The following PACRG variants were observed in gnomAD, a reference collection of about 807,000 sequenced individuals.
PACRG encodes parkin coregulated gene protein.
PACRG carries 29 observed loss-of-function variants against 29.7 expected under a neutral mutation model. That is an observed-to-expected ratio of 0.98 (90% CI 0.73 to 1.33). PACRG has a LOEUF of 1.33. PACRG is among the 40% of genes most tolerant of loss of function. The pLI, the probability that PACRG is intolerant of heterozygous loss-of-function variation, is 0.00. For synonymous variants in PACRG, 116 were observed against 118.7 expected (o/e 0.98, Z 0.15); for missense variants, 279 against 316.2 (o/e 0.88, Z 0.89).
intron 2 of PACRG, among the ~76,000 whole-genome samples, chr6:162,870,696 T>C (rs978699394): frequency 6.6e-6 from 1 of 152,208 alleles, no homozygotes; most frequent in Non-Finnish European, 1.5e-5. Flanking sequence ...TGTGCTCTGG[T>C]TTATCCATAT....
At chr6:162,955,461 G>A (rs922849576) in intron 2 of PACRG, among the ~76,000 whole-genome samples, 26 of 151,830 alleles carry the variant, frequency 1.7e-4, no homozygotes, top group East Asian at 7.8e-4. Context: ...CACCACACCC[G>A]GCTAATTTTT....
At chr6:162,793,473 A>T (rs1785120526) in intron 1 of PACRG, among the ~76,000 whole-genome samples, 1 of 152,176 alleles carries the variant, frequency 6.6e-6, no homozygotes, top group African/African-American at 2.4e-5. Context: ...TATCTTTTGC[A>T]TCTTTCTGCT....
chr6:162,907,313 A>G (rs905257766), intron 2 of PACRG, among the ~76,000 whole-genome samples: 3 of 152,162 alleles, frequency 2.0e-5, no homozygotes, highest in Non-Finnish European at 2.9e-5. Flanking sequence ...TTATCAATAC[A>G]TGCCTATTTT....
chr6:162,933,962 G>A (rs1316758674), intron 2 of PACRG, among the ~76,000 whole-genome samples: 1 of 152,024 alleles, frequency 6.6e-6, no homozygotes, highest in Non-Finnish European at 1.5e-5. Flanking sequence ...TCACATAAAC[G>A]AATAAGAATG....
chr6:163,110,725 C>T lies in PACRG; in HGVS notation c.613+21317C>T, dbSNP rs16894500. ...CCCCTGGGCTGTCACCGTGGCAGCA[C>T]TTTGATGCTCAGCCCCTCAGACCTG... On this transcript the variant is annotated intron_variant, in intron 4 of 4. Coordinates refer to ENST00000366888, the MANE Select transcript of PACRG (RefSeq NM_001080379.2). 9.2e-3 allele frequency among the ~76,000 whole-genome samples: 1,397 copies of T among 152,350 alleles called. 14 individuals are homozygous for T. The highest frequency in any genetic ancestry group is 0.032 in the African/African-American group (1,331 of 41,564).
At chr6:163,102,003 A>G (rs1258236312) in intron 4 of PACRG, among the ~76,000 whole-genome samples, 1 of 152,204 alleles carries the variant, frequency 6.6e-6, no homozygotes, top group East Asian at 1.9e-4. Context: ...AACAGACACT[A>G]TGCGGCCACA....
chr6:163,117,362 G>T (rs1234265531), intron 4 of PACRG, among the ~76,000 whole-genome samples: 1 of 152,220 alleles, frequency 6.6e-6, no homozygotes, highest in African/African-American at 2.4e-5. Context: ...TCCAGCCACT[G>T]GGGAGGTTTC....
chr6:163,195,922 C>G (rs1721297009), intron 4 of PACRG, among the ~76,000 whole-genome samples: 2 of 152,312 alleles, frequency 1.3e-5, no homozygotes, highest in African/African-American at 4.8e-5. Context: ...TCCTCCCTCC[C>G]TGATTCTCGC....
intron 4 of PACRG, among the ~76,000 whole-genome samples, chr6:163,260,624 TG>T: frequency 6.6e-6 from 1 of 152,330 alleles, no homozygotes; most frequent in South Asian, 2.1e-4. Flanking sequence ...TGGGATCCTG[TG>T]GTCTTCCCTG....
At chr6:162,785,832 G>A (rs888403124) in intron 1 of PACRG, among the ~76,000 whole-genome samples, 1 of 152,128 alleles carries the variant, frequency 6.6e-6, no homozygotes, top group African/African-American at 2.4e-5. Context: ...GACCACTAGC[G>A]GTGAGCAGCC....
chr6:162,881,872 G>A (rs1402391903), intron 2 of PACRG, among the ~76,000 whole-genome samples: 2 of 146,220 alleles, frequency 1.4e-5, no homozygotes, highest in African/African-American at 5.1e-5. Flanking sequence ...AGAGACCAGG[G>A]GGCGCTCTCC....
intron 2 of PACRG, among the ~76,000 whole-genome samples, chr6:162,948,056 T>C (rs1799375004): frequency 6.6e-6 from 1 of 151,882 alleles, no homozygotes; most frequent in Non-Finnish European, 1.5e-5. Flanking sequence ...ATAAAATGTG[T>C]ATGGAACTGA....
chr6:162,873,992 C>T (rs1263298534), intron 2 of PACRG, among the ~76,000 whole-genome samples: 2 of 151,966 alleles, frequency 1.3e-5, no homozygotes, highest in African/African-American at 2.4e-5. Context: ...AAGTGAGCAG[C>T]GCTTCTGATT....
intron 4 of PACRG, among the ~76,000 whole-genome samples, chr6:163,231,104 G>A (rs894738478): frequency 5.9e-5 from 9 of 152,348 alleles, no homozygotes; most frequent in Admixed American, 3.9e-4. Flanking sequence ...GATAGGATGG[G>A]GCTGCGGCTG....
Position 163,004,801 on chromosome 6 carries a change from A to G in PACRG, c.292-57349A>G, listed in dbSNP as rs1177667414. Among the ~76,000 whole-genome samples the G allele has an allele frequency of 3.3e-5, 5 of 151,114 alleles. No individual in the cohort carries two copies. The East Asian group carries it at 5.9e-4, about 18-fold the overall frequency. ...TGTATGGGATTTAAACTATTTTCTAATGAAAATACTTATTTGTTCGTTCAT... is the reference window on the plus strand; with the variant it reads ...TGTATGGGATTTAAACTATTTTCTAGTGAAAATACTTATTTGTTCGTTCAT... On this transcript the variant is annotated intron_variant, in intron 2 of 4. Transcript: ENST00000366888.
intron 1 of PACRG, among the ~76,000 whole-genome samples, chr6:162,782,353 T>G (rs1360262330): frequency 6.6e-6 from 1 of 151,930 alleles, no homozygotes; most frequent in Non-Finnish European, 1.5e-5. Flanking sequence ...TAGGCAATTA[T>G]TATAACAAAC....
At chr6:163,084,391 C>T (rs190181779) in intron 3 of PACRG, among the ~76,000 whole-genome samples, 1 of 152,284 alleles carries the variant, frequency 6.6e-6, no homozygotes, top group Admixed American at 6.5e-5. Context: ...AGACTTCCGA[C>T]TTCATGGTGT....
chr6:162,871,957 A>C lies in PACRG; in HGVS notation c.291+57676A>C, dbSNP rs1030444477. Among the ~76,000 whole-genome samples, 7 of 152,256 alleles carry C rather than the reference A, an allele frequency of 4.6e-5. No individual in the cohort carries two copies. The East Asian group carries it at 7.7e-4, about 17-fold the overall frequency. On this transcript the variant is annotated intron_variant, in intron 2 of 4. Coordinates refer to ENST00000366888, the MANE Select transcript of PACRG (RefSeq NM_001080379.2). ...CAAAAACAAAACAAAACAAAAAAAA[A>C]CAAAAGACTACTTTCTCAATAGAAT...
intron 1 of PACRG, among the ~76,000 whole-genome samples, chr6:162,736,444 C>G (rs1047609184): frequency 1.4e-4 from 21 of 152,018 alleles, no homozygotes; most frequent in Admixed American, 1.4e-3. Context: ...AGCAAGATAG[C>G]TGCGTTTTTG....
Sources: gnomAD v4.1 joint callset for allele counts (sites outside exome capture counted in the v4.1 genomes callset) on GRCh38, gnomAD v4.1.1 for gene constraint, MANE v1.5 for transcripts, NCBI Gene and HGNC (gene_info 2026-07-23, HGNC 2026-07-21) for gene names.